The following CACNA2D1 variants were observed in gnomAD, a reference collection of about 807,000 sequenced individuals.
CACNA2D1 encodes voltage-dependent calcium channel subunit alpha-2/delta-1.
CACNA2D1 carries 53 observed loss-of-function variants against 171.5 expected under a neutral mutation model. The ratio of observed to expected loss-of-function variants is 0.31; its 90% CI spans 0.25 to 0.39. The LOEUF is 0.39. CACNA2D1 is among the 10% of genes least tolerant of loss of function. The pLI is 1.00. For synonymous variants in CACNA2D1, 442 were observed against 443.1 expected (o/e 1.00, Z 0.03); for missense variants, 903 against 1,299.8 (o/e 0.69, Z 4.69).
intron 4 of CACNA2D1, among the ~76,000 whole-genome samples, chr7:82,161,332 G>T (rs1312110202): frequency 6.6e-6 from 1 of 151,992 alleles, no homozygotes. Flanking sequence ...TTTTGGGGTA[G>T]CATGTACTGA....
intron 10 of CACNA2D1, among the ~76,000 whole-genome samples, chr7:82,045,172 T>G (rs896533474): frequency 6.6e-6 from 1 of 152,152 alleles, no homozygotes; most frequent in Non-Finnish European, 1.5e-5. Context: ...TCCAAAAATT[T>G]TGTGCCAATT....
chr7:82,174,337 G>C (rs1207620075), intron 3 of CACNA2D1, among the ~76,000 whole-genome samples: 1 of 151,940 alleles, frequency 6.6e-6, no homozygotes, highest in Non-Finnish European at 1.5e-5. Context: ...ACGATATTCA[G>C]CAAGGTTTAT....
At chr7:82,230,545 T>TA (rs1802821026) in intron 3 of CACNA2D1, among the ~76,000 whole-genome samples, 2 of 152,132 alleles carry the variant, frequency 1.3e-5, no homozygotes, top group Non-Finnish European at 1.5e-5. Context: ...TTCTTTAATT[T>TA]AAAAAAACGC....
chr7:81,998,200 T>C (rs144402992), intron 18 of CACNA2D1, among the ~76,000 whole-genome samples: 16 of 152,134 alleles, frequency 1.1e-4, no homozygotes, highest in Admixed American at 1.0e-3. Context: ...ACTAGACCAA[T>C]AAAATCATAA....
chr7:82,115,161 T>C (rs1788898909), intron 6 of CACNA2D1, among the ~76,000 whole-genome samples: 1 of 152,214 alleles, frequency 6.6e-6, no homozygotes, highest in Admixed American at 6.6e-5. Flanking sequence ...AAAGCTTCTA[T>C]ACCCAGCCAG....
intron 3 of CACNA2D1, among the ~76,000 whole-genome samples, chr7:82,322,898 G>A (rs1486913212): frequency 6.6e-6 from 1 of 152,180 alleles, no homozygotes; most frequent in Non-Finnish European, 1.5e-5. Flanking sequence ...GTTAGCAAAT[G>A]AATTTACAGA....
intron 3 of CACNA2D1, among the ~76,000 whole-genome samples, chr7:82,215,825 A>G (rs1375159930): frequency 6.6e-6 from 1 of 152,154 alleles, no homozygotes; most frequent in Non-Finnish European, 1.5e-5. Context: ...GCTTTACCCA[A>G]AAGAATGTTT....
At chr7:82,016,889 G>A (rs1562874614) in intron 12 of CACNA2D1, among the ~76,000 whole-genome samples, 2 of 151,812 alleles carry the variant, frequency 1.3e-5, no homozygotes, top group Admixed American at 6.6e-5. Flanking sequence ...TGTCATCAAT[G>A]TATAATTTGT....
chr7:82,007,608 C>A, intron 16 of CACNA2D1, 71 bp downstream of exon 16: 1 of 844,322 alleles, frequency 1.2e-6, no homozygotes, highest in Non-Finnish European at 2.0e-6. Context: ...ATGGAAATAT[C>A]TTATCCATGT....
In CACNA2D1 at chr7:81,947,659, CT is replaced by C. The variant is rs1357941357; in HGVS notation, c.*2732del. 6.6e-6 allele frequency: 1 copy of C among 151,794 alleles called. No homozygotes were observed. Among genetic ancestry groups the C allele is most frequent in the Non-Finnish European group, 1.5e-5 (1 of 67,822 alleles). The allele number at this position is 151,794 out of a possible 1,614,324, so 9.4% of individuals were successfully genotyped here. A position where few individuals can be genotyped will look rare whatever the true frequency, so the allele number is the denominator to read the frequency against. On this transcript the variant is annotated 3_prime_UTR_variant, in exon 39 of 39. Transcript: ENST00000356860. ...AAAATTAGTTAAAGCAGTGTATAAA[CT>C]TTTTTATTGATCTGTTGTACTGTTC...
chr7:82,365,549 TA>T (rs1821593821), intron 1 of CACNA2D1, among the ~76,000 whole-genome samples: 1 of 152,228 alleles, frequency 6.6e-6, no homozygotes, highest in South Asian at 2.1e-4. Flanking sequence ...GGGATTCAAA[TA>T]ACATTGATTT....
Position 81,949,127 on chromosome 7 carries a change from TGAAAC to T in CACNA2D1, c.*1260_*1264del, listed in dbSNP as rs1584117218. ...ACTTTTGGATTGTATGTGCTACTAT[TGAAAC>T]GAACAAAGAGGAAACCTAGGATGAA... On this transcript the variant is annotated 3_prime_UTR_variant, in exon 39 of 39. Transcript: ENST00000356860. 1.3e-5 allele frequency: 2 copies of T among 152,050 alleles called. No homozygotes were observed. Among genetic ancestry groups the T allele is most frequent in the South Asian group, 2.1e-4 (1 of 4,836 alleles). The allele number at this position is 152,050 out of a possible 1,614,324, so 9.4% of individuals were successfully genotyped here. A position where few individuals can be genotyped will look rare whatever the true frequency, so the allele number is the denominator to read the frequency against.
intron 5 of CACNA2D1, among the ~76,000 whole-genome samples, chr7:82,121,906 C>T (rs1789784492): frequency 6.6e-6 from 1 of 152,002 alleles, no homozygotes; most frequent in Admixed American, 6.6e-5. Flanking sequence ...ATTGATTCTT[C>T]AGAAGCAATT....
intron 3 of CACNA2D1, among the ~76,000 whole-genome samples, chr7:82,172,640 T>TTTTTTTTTTTTTTTTTC (rs1491222972): frequency 2.6e-5 from 2 of 77,282 alleles, no homozygotes; most frequent in African/African-American, 1.0e-4. Flanking sequence ...TTTTTTTTTT[T>TTTTTTTTTTTTTTTTTC]GGTAAAGATG....
rs1792265333 is a variant in CACNA2D1, at chr7:81,949,022, A to G, written c.*1370T>C. ...TCCTATTTGTTCAGATTATTGTAAA[A>G]CCCTTATCAACTTGCATGGAAATTT... On this transcript the variant is annotated 3_prime_UTR_variant, in exon 39 of 39. Transcript: ENST00000356860. 1 of 151,966 alleles carries G rather than the reference A, an allele frequency of 6.6e-6. No homozygotes were observed. Among genetic ancestry groups the G allele is most frequent in the South Asian group, 2.1e-4 (1 of 4,834 alleles). 9.4% of individuals were successfully genotyped at this position (151,966 alleles called of 1,614,324 possible).
chr7:82,194,412 A>T (rs185367418), intron 3 of CACNA2D1, among the ~76,000 whole-genome samples: 17 of 152,202 alleles, frequency 1.1e-4, no homozygotes, highest in Non-Finnish European at 1.5e-5. Flanking sequence ...AAAACAAAAA[A>T]GTTTCTTCTC....
At chr7:81,983,385 G>T in intron 22 of CACNA2D1, 51 bp from the exon 23 acceptor site, 2 of 1,400,162 alleles carry the variant, frequency 1.4e-6, no homozygotes, top group East Asian at 2.3e-5. Flanking sequence ...AAAAAAGAGG[G>T]TAAAGCAAAG....
intron 6 of CACNA2D1, among the ~76,000 whole-genome samples, chr7:82,107,491 T>A (rs1026078519): frequency 2.6e-5 from 4 of 151,758 alleles, no homozygotes; most frequent in African/African-American, 9.7e-5. Context: ...AAGCCCAGCC[T>A]CCACTGAAGG....
rs184160531 is a variant in CACNA2D1 at position 82,363,502 on chromosome 7, T to C, written c.96-13853A>G. ...GGATGGTCTTGATCTCCTGACCTCT[T>C]GATCCACCAGCCTCGGCCTCCCAAA... On this transcript the variant is annotated intron_variant, in intron 1 of 38. Transcript: ENST00000356860. Among the ~76,000 whole-genome samples the C allele has an allele frequency of 4.7e-3, 721 of 152,116 alleles. 4 individuals are homozygous for C. Among genetic ancestry groups the C allele is most frequent in the African/African-American group, 0.017 (699 of 41,522 alleles).
Sources: gnomAD v4.1 joint callset for allele counts (sites outside exome capture counted in the v4.1 genomes callset) on GRCh38, gnomAD v4.1.1 for gene constraint, MANE v1.5 for transcripts, NCBI Gene and HGNC (gene_info 2026-07-23, HGNC 2026-07-21) for gene names.